HDHD2: variants seen among roughly 807,000 people sequenced by gnomAD.
The protein encoded by HDHD2 is haloacid dehalogenase like hydrolase domain containing 2.
Under a neutral mutation model 24.8 loss-of-function variants are expected in HDHD2, and 26 were observed. The ratio of observed to expected loss-of-function variants is 1.05; its 90% CI spans 0.77 to 1.45. The LOEUF (loss-of-function observed/expected upper bound fraction) is 1.45, where lower values mean the gene tolerates loss of function less well. HDHD2 is among the 40% of genes most tolerant of loss of function. The pLI, the probability that HDHD2 is intolerant of heterozygous loss-of-function variation, is 0.00. For missense variants in HDHD2, 299 were observed against 313.4 expected, an observed-to-expected ratio of 0.95 and a Z score of 0.35; for synonymous variants, 128 against 114.9, an observed-to-expected ratio of 1.11 and a Z score of -0.73.
At chr18:47,118,910 AT>A (rs1187856812) in intron 4 of HDHD2, among the ~76,000 whole-genome samples, 1 of 152,204 alleles carries the variant, frequency 6.6e-6, no homozygotes, top group Non-Finnish European at 1.5e-5. Context: ...ATACAGGGAT[AT>A]CTATGAGATA....
Sources: allele counts gnomAD v4.1 joint callset (sites outside exome capture counted in the v4.1 genomes callset), GRCh38; gene constraint gnomAD v4.1.1; transcripts MANE v1.5; gene names NCBI Gene and HGNC (gene_info 2026-07-23, HGNC 2026-07-21).